ABCC1: variants seen among roughly 807,000 people sequenced by gnomAD.
ABCC1 encodes ATP binding cassette subfamily C member 1 (ABCC1 blood group).
ABCC1 carries 83 observed loss-of-function variants against 172.9 expected under a neutral mutation model. The ratio of observed to expected loss-of-function variants is 0.48; its 90% confidence interval spans 0.40 to 0.58. The LOEUF (loss-of-function observed/expected upper bound fraction) is 0.58, where lower values mean the gene tolerates loss of function less well. Ranked by LOEUF, ABCC1 falls within the 20% of genes least tolerant of loss-of-function variation. ABCC1 has a pLI of 0.00. For missense variants in ABCC1, 1,817 were observed against 2,002.7 expected, an observed-to-expected ratio of 0.91 and a Z score of 1.77; for synonymous variants, 937 against 825.2, an observed-to-expected ratio of 1.14 and a Z score of -2.32.
chr16:16,090,571 AG>A lies in ABCC1; in HGVS notation c.2629del (p.Asp877MetfsTer26). 1 of 1,600,922 alleles carries A rather than the reference AG, an allele frequency of 6.2e-7. No homozygotes were observed. ...LRTYASTEQEQDAEENGVTGV... is the reference protein window; with the variant it reads ...LRTYASTEQEXDAEENGVTGV... The stretch of plus-strand genomic sequence containing the variant: ...ACCTATGCCAGCACAGAGCAGGAGC[AG>A]GATGCAGAGGAGAACGGTAGGGGCA... On this transcript the variant is annotated frameshift_variant, in exon 19 of 31. Coordinates refer to ENST00000399410, the MANE Select transcript of ABCC1 (RefSeq NM_004996.4). LOFTEE classifies it high-confidence loss of function.
chr16:16,086,526 C>T (rs1356435270), intron 17 of ABCC1, among the ~76,000 whole-genome samples: 1 of 152,216 alleles, frequency 6.6e-6, no homozygotes, highest in African/African-American at 2.4e-5. Flanking sequence ...CCAGCCATAG[C>T]TCGTTGCAGC....
rs2049811064 is a variant in ABCC1 at position 16,059,422 on chromosome 16, TAAA to T, written c.1677+3131_1677+3133del. ...ATCGATGGGTGTGGCTGTGTTCCTG[TAAA>T]AAAGTATTTAGAGACACCAAAATTT... On this transcript the variant is annotated intron_variant, in intron 12 of 30. Transcript: ENST00000399410. Among the ~76,000 whole-genome samples, 3 of 152,298 alleles carry T rather than the reference TAAA, an allele frequency of 2.0e-5. 1 individual carries two copies. In the South Asian group the frequency reaches 6.2e-4, roughly 32 times the overall value.
In ABCC1 at chr16:16,071,703, G is replaced by A. The variant is rs1179317371; in HGVS notation, c.1886G>A (p.Ser629Asn). ...TCCCATGAGGAGCTGGAACCTGACA[G>A]CATCGAGCGACGGCCTGTCAAAGAC... Reference protein sequence around the residue: ...FLSHEELEPDSIERRPVKDGG... With the variant: ...FLSHEELEPDNIERRPVKDGG... Residue 629 changes from serine (S) to asparagine (N), a missense_variant, in exon 14 of 31, where the codon AGC (serine) becomes AAC (asparagine). Physicochemically the swap from Ser to Asn is conservative, Grantham distance 46. Transcript: ENST00000399410. 2.5e-6 allele frequency: 4 copies of A among 1,613,952 alleles called. No individual in the cohort carries two copies. The highest frequency in any genetic ancestry group is 4.5e-5 in the East Asian group (2 of 44,874).
chr16:15,960,531 T>C (rs1053981726), intron 1 of ABCC1, among the ~76,000 whole-genome samples: 7 of 152,200 alleles, frequency 4.6e-5, no homozygotes, highest in Non-Finnish European at 4.4e-5. Flanking sequence ...AGGCCCATGT[T>C]CTCATGGGGT....
chr16:16,053,650 G>A, intron 11 of ABCC1, among the ~76,000 whole-genome samples: 1 of 151,400 alleles, frequency 6.6e-6, no homozygotes, highest in East Asian at 1.9e-4. Context: ...AGCTGCATGT[G>A]GTGATGCGTG....
At chr16:16,089,137 A>G (rs1422014406) in intron 18 of ABCC1, among the ~76,000 whole-genome samples, 3 of 152,230 alleles carry the variant, frequency 2.0e-5, no homozygotes, top group South Asian at 2.1e-4. Context: ...GCTGACTTCT[A>G]TTAATAGTTT....
chr16:16,087,951 T>C (rs2051078550), intron 18 of ABCC1, among the ~76,000 whole-genome samples: 1 of 152,228 alleles, frequency 6.6e-6, no homozygotes, highest in South Asian at 2.1e-4. Flanking sequence ...ACAGGAAACA[T>C]CGTGCTACAT....
chr16:15,968,985 A>C (rs2046308757), intron 1 of ABCC1, among the ~76,000 whole-genome samples: 1 of 151,944 alleles, frequency 6.6e-6, no homozygotes, highest in South Asian at 2.1e-4. Flanking sequence ...AGGTGGGCAG[A>C]TCACTTGAGG....
chr16:16,115,945 C>G (rs1276419091), intron 23 of ABCC1, among the ~76,000 whole-genome samples: 1 of 151,746 alleles, frequency 6.6e-6, no homozygotes, highest in Non-Finnish European at 1.5e-5. Flanking sequence ...CTCTGTCGCC[C>G]AGGCTGGAGT....
intron 20 of ABCC1, among the ~76,000 whole-genome samples, 186 bp downstream of exon 20, chr16:16,102,903 CTT>C (rs1367273384): frequency 6.6e-6 from 1 of 152,194 alleles, no homozygotes; most frequent in African/African-American, 2.4e-5. Flanking sequence ...ATGTGGCACT[CTT>C]TTTGCCAGGT....
At chr16:16,116,807 G>A (rs955734898) in intron 23 of ABCC1, among the ~76,000 whole-genome samples, 1 of 152,140 alleles carries the variant, frequency 6.6e-6, no homozygotes, top group Non-Finnish European at 1.5e-5. Context: ...TGATCCGCCC[G>A]CCTCAGCCTG....
At chr16:16,074,243 A>ACATT (rs1320468416) in intron 14 of ABCC1, among the ~76,000 whole-genome samples, 1 of 152,144 alleles carries the variant, frequency 6.6e-6, no homozygotes, top group African/African-American at 2.4e-5. Context: ...ATGGCTCCAG[A>ACATT]CATTGCCAGA....
chr16:16,030,567 C>T (rs139988731), intron 5 of ABCC1, among the ~76,000 whole-genome samples: 1 of 152,092 alleles, frequency 6.6e-6, no homozygotes, highest in East Asian at 1.9e-4. Flanking sequence ...TATGTTTCAG[C>T]CTGTTGTACT....
intron 1 of ABCC1, among the ~76,000 whole-genome samples, chr16:15,991,989 G>A (rs546353018): frequency 2.6e-5 from 4 of 152,218 alleles, no homozygotes; most frequent in South Asian, 2.1e-4. Flanking sequence ...GCAGGCGAGC[G>A]TGTGAGACTT....
chr16:16,103,655 G>C (rs1466304487), intron 20 of ABCC1, among the ~76,000 whole-genome samples: 2 of 152,210 alleles, frequency 1.3e-5, no homozygotes, highest in African/African-American at 2.4e-5. Flanking sequence ...CAAAGTCGGA[G>C]CCTAAACGTA....
intron 15 of ABCC1, among the ~76,000 whole-genome samples, chr16:16,079,074 A>G (rs904643489): frequency 2.0e-5 from 3 of 151,994 alleles, no homozygotes; most frequent in African/African-American, 4.8e-5. Flanking sequence ...ACTGTTCCAG[A>G]AGCCCACTGT....
chr16:15,996,704 A>G (rs2047066942), intron 1 of ABCC1, among the ~76,000 whole-genome samples: 1 of 152,094 alleles, frequency 6.6e-6, no homozygotes, highest in Non-Finnish European at 1.5e-5. Context: ...TGTGCCATCC[A>G]GATGGGAGCA....
intron 1 of ABCC1, among the ~76,000 whole-genome samples, chr16:15,975,216 G>C (rs2041859798): frequency 6.6e-6 from 1 of 152,208 alleles, no homozygotes; most frequent in Non-Finnish European, 1.5e-5. Flanking sequence ...AGTGCTACCT[G>C]CTACCTTTAG....
Position 16,039,261 on chromosome 16 carries a change from GTTTTC to G in ABCC1, c.809+2663_809+2667del, listed in dbSNP as rs1172875344. 1.2e-4 allele frequency among the ~76,000 whole-genome samples: 12 copies of G among 98,592 alleles called. No homozygotes were observed. In the East Asian group the frequency reaches 2.4e-3, roughly 19 times the overall value. The allele number at this position is 98,592 out of a possible 152,430, so 64.7% of individuals were successfully genotyped here. A position where few individuals can be genotyped will look rare whatever the true frequency, so the allele number is the denominator to read the frequency against. On this transcript the variant is annotated intron_variant, in intron 7 of 30. Transcript: ENST00000399410. ...TGTATGTGTGTGTGTGTGTGTGTGT[GTTTTC>G]TTTTTTTTTTTTTTTTTTTGAGATG...
Sources: allele counts gnomAD v4.1 joint callset (sites outside exome capture counted in the v4.1 genomes callset), GRCh38; gene constraint gnomAD v4.1.1; transcripts MANE v1.5; gene names NCBI Gene and HGNC (gene_info 2026-07-23, HGNC 2026-07-21).